Variants in SLC25A21 observed in about 807,000 individuals in gnomAD.
The protein encoded by SLC25A21 is mitochondrial 2-oxodicarboxylate carrier.
Under a neutral mutation model 43.8 loss-of-function variants are expected in SLC25A21, and 47 were observed. The observed-to-expected ratio is 1.07, with a 90% CI of 0.85 to 1.37. The LOEUF (loss-of-function observed/expected upper bound fraction) is 1.37. Among genes scored for constraint, SLC25A21 ranks in the 40% most tolerant of loss-of-function variants. The probability of loss-of-function intolerance (pLI) is 0.00; values close to 1 mark genes in which losing one functional copy is unlikely to be tolerated. For missense variants in SLC25A21, 352 were observed against 350.2 expected (o/e 1.00, Z -0.04); for synonymous variants, 131 against 121.3 (o/e 1.08, Z -0.52).
At chr14:37,089,102 C>T (rs1470558971) in intron 1 of SLC25A21, among the ~76,000 whole-genome samples, 4 of 152,042 alleles carry the variant, frequency 2.6e-5, no homozygotes, top group Non-Finnish European at 5.9e-5. Context: ...CAAAAATGTT[C>T]ACTCATTCTC....
intron 1 of SLC25A21, among the ~76,000 whole-genome samples, chr14:36,922,057 T>A (rs1891993907): frequency 6.6e-6 from 1 of 151,614 alleles, no homozygotes; most frequent in Admixed American, 6.6e-5. Flanking sequence ...GAGAATCGCT[T>A]GAACTCAGGA....
At chr14:36,739,568 C>T (rs1306629201) in intron 3 of SLC25A21, among the ~76,000 whole-genome samples, 1 of 151,910 alleles carries the variant, frequency 6.6e-6, no homozygotes, top group Admixed American at 6.6e-5. Flanking sequence ...GTCCCAGCTA[C>T]TCGGGAGGCT....
intron 1 of SLC25A21, among the ~76,000 whole-genome samples, chr14:37,170,708 C>T (rs1000894497): frequency 6.6e-6 from 1 of 151,848 alleles, no homozygotes; most frequent in African/African-American, 2.4e-5. Flanking sequence ...GGTCAGATTG[C>T]TTGAACCCAG....
In SLC25A21 at chr14:37,016,156, C is replaced by T. The variant is rs533181377; in HGVS notation, c.71-141152G>A. ...GAATGGTAATGCCTAGGTTTTCTTC[C>T]AGGGTTTTTATGGTTTTAGGTCTAA... On this transcript the variant is annotated intron_variant, in intron 1 of 9. Transcript: ENST00000331299. 4.7e-4 allele frequency among the ~76,000 whole-genome samples: 72 copies of T among 152,094 alleles called. No homozygotes were observed. In the East Asian group the frequency reaches 9.3e-3, roughly 20 times the overall value.
intron 1 of SLC25A21, among the ~76,000 whole-genome samples, chr14:37,113,853 CA>C (rs34321762): frequency 2.1e-3 from 254 of 119,340 alleles, no homozygotes; most frequent in African/African-American, 7.6e-3. Context: ...GACTCTGTCT[CA>C]AAAAAAAAAA....
chr14:37,027,854 T>A (rs556523140), intron 1 of SLC25A21, among the ~76,000 whole-genome samples: 1 of 152,206 alleles, frequency 6.6e-6, no homozygotes, highest in Non-Finnish European at 1.5e-5. Flanking sequence ...ATCATCCAAC[T>A]TTTTAATTTA....
intron 1 of SLC25A21, among the ~76,000 whole-genome samples, chr14:36,911,716 T>C (rs1891691215): frequency 1.3e-5 from 2 of 152,080 alleles, no homozygotes; most frequent in East Asian, 1.9e-4. Context: ...CCAGCCACTA[T>C]CTGATTGTAA....
At chr14:36,992,403 T>C (rs572424531) in intron 1 of SLC25A21, among the ~76,000 whole-genome samples, 5 of 151,874 alleles carry the variant, frequency 3.3e-5, no homozygotes, top group Admixed American at 1.3e-4. Context: ...CAAGACCCTA[T>C]CTCTATAAAA....
Position 37,126,629 on chromosome 14 carries a change from G to A in SLC25A21, c.70+45652C>T, listed in dbSNP as rs189612469. Among the ~76,000 whole-genome samples, 266 of 152,034 alleles carry A rather than the reference G, an allele frequency of 1.7e-3. 2 individuals carry two copies. Among genetic ancestry groups the A allele is most frequent in the Non-Finnish European group, 3.1e-3 (208 of 68,004 alleles). On this transcript the variant is annotated intron_variant, in intron 1 of 9. Transcript: ENST00000331299. Reference sequence around the variant, plus strand: ...CATGCAATGTACCATAAAAATAGGAGGCTACTGGCACATTGATTTCCACAA... The same window carrying A: ...CATGCAATGTACCATAAAAATAGGAAGCTACTGGCACATTGATTTCCACAA...
At chr14:36,843,964 A>G (rs1889465371) in intron 2 of SLC25A21, among the ~76,000 whole-genome samples, 1 of 152,194 alleles carries the variant, frequency 6.6e-6, no homozygotes, top group African/African-American at 2.4e-5. Flanking sequence ...CAGATCAGTT[A>G]TGTATAAAAT....
At chr14:36,985,535 G>T (rs1960127836) in intron 1 of SLC25A21, among the ~76,000 whole-genome samples, 1 of 152,114 alleles carries the variant, frequency 6.6e-6, no homozygotes, top group South Asian at 2.1e-4. Flanking sequence ...TAAGATTACA[G>T]GCCAGTGATT....
chr14:37,142,429 C>G (rs989646717), intron 1 of SLC25A21, among the ~76,000 whole-genome samples: 2 of 152,240 alleles, frequency 1.3e-5, no homozygotes, highest in Non-Finnish European at 2.9e-5. Flanking sequence ...GGCTTGGTCA[C>G]AGCTCACTGC....
At chr14:36,998,292 T>C (rs1960414991) in intron 1 of SLC25A21, among the ~76,000 whole-genome samples, 1 of 152,186 alleles carries the variant, frequency 6.6e-6, no homozygotes, top group African/African-American at 2.4e-5. Context: ...ATTTCATGGA[T>C]TGTCTCTCAA....
At chr14:36,903,621 A>AG (rs1891455875) in intron 1 of SLC25A21, among the ~76,000 whole-genome samples, 1 of 145,964 alleles carries the variant, frequency 6.9e-6, no homozygotes, top group African/African-American at 2.6e-5. Flanking sequence ...TCAGAAAAAA[A>AG]AAAAAAAAAA....
At chr14:37,128,546 G>C (rs866755772) in intron 1 of SLC25A21, among the ~76,000 whole-genome samples, 6,474 of 145,858 alleles carry the variant, frequency 0.044, 478 homozygotes, top group African/African-American at 0.16. Context: ...CTCTGTGTGT[G>C]TGTGTGTGTG....
At chr14:36,864,976 C>T (rs561088286) in intron 2 of SLC25A21, among the ~76,000 whole-genome samples, 7 of 151,742 alleles carry the variant, frequency 4.6e-5, no homozygotes, top group African/African-American at 1.4e-4. Flanking sequence ...CCCATCCTCA[C>T]CTTTTCCTTG....
chr14:36,758,400 C>G (rs988611950), intron 3 of SLC25A21, among the ~76,000 whole-genome samples: 2 of 152,136 alleles, frequency 1.3e-5, no homozygotes, highest in African/African-American at 4.8e-5. Flanking sequence ...AAGACTCCCT[C>G]TGGGCCCAGG....
chr14:37,059,719 G>A (rs1961904381), intron 1 of SLC25A21, among the ~76,000 whole-genome samples: 1 of 152,206 alleles, frequency 6.6e-6, no homozygotes, highest in African/African-American at 2.4e-5. Flanking sequence ...TTTTCACAGA[G>A]TTGACAAGGA....
intron 7 of SLC25A21, among the ~76,000 whole-genome samples, chr14:36,703,021 G>C (rs1594504467): frequency 6.6e-6 from 1 of 152,168 alleles, no homozygotes; most frequent in African/African-American, 2.4e-5. Context: ...GAATTTTATA[G>C]ATAATAGGTA....
Sources: gnomAD v4.1 joint callset for allele counts (sites outside exome capture counted in the v4.1 genomes callset) on GRCh38, gnomAD v4.1.1 for gene constraint, MANE v1.5 for transcripts, NCBI Gene and HGNC (gene_info 2026-07-23, HGNC 2026-07-21) for gene names.